Variants in MYO16 observed in about 807,000 individuals in gnomAD.
MYO16 encodes the protein unconventional myosin-XVI.
Under a neutral mutation model 205.3 loss-of-function variants are expected in MYO16, and 94 were observed. The observed-to-expected ratio is 0.46, with a 90% CI of 0.39 to 0.54. MYO16 has a LOEUF of 0.54. Among genes scored for constraint, MYO16 ranks in the 20% least tolerant of loss-of-function variants. The probability of loss-of-function intolerance (pLI) is 0.00; values close to 1 mark genes in which losing one functional copy is unlikely to be tolerated. For missense variants in MYO16, 2,315 were observed against 2,387.5 expected (o/e 0.97, Z 0.63); for synonymous variants, 988 against 954.0 (o/e 1.04, Z -0.66).
intron 16 of MYO16, among the ~76,000 whole-genome samples, chr13:108,914,636 G>T (rs1205806054): frequency 6.6e-6 from 1 of 152,116 alleles, no homozygotes; most frequent in Non-Finnish European, 1.5e-5. Context: ...CCAGAGAGAA[G>T]AAAACATTGC....
At chr13:109,062,104 A>C (rs1887612057) in intron 27 of MYO16, among the ~76,000 whole-genome samples, 1 of 152,190 alleles carries the variant, frequency 6.6e-6, no homozygotes. Flanking sequence ...GAGATATCAT[A>C]AAATTAGAAA....
At chr13:108,683,338 T>C (rs1012457712) in intron 2 of MYO16, among the ~76,000 whole-genome samples, 5 of 143,894 alleles carry the variant, frequency 3.5e-5, no homozygotes, top group African/African-American at 1.4e-4. Flanking sequence ...GAAGCTTCCC[T>C]TTCCTTCCTT....
chr13:108,912,563 T>C (rs1202010134), intron 16 of MYO16, among the ~76,000 whole-genome samples: 2 of 152,090 alleles, frequency 1.3e-5, no homozygotes, highest in South Asian at 4.1e-4. Flanking sequence ...AAGAAGCTTG[T>C]ACTCAAGTGA....
chr13:108,593,575 T>C (rs1443956196), upstream of MYO16, among the ~76,000 whole-genome samples: 2 of 152,192 alleles, frequency 1.3e-5, no homozygotes, highest in Non-Finnish European at 2.9e-5. Context: ...GACTATGGTT[T>C]ACATAGTGGT....
intron 24 of MYO16, among the ~76,000 whole-genome samples, chr13:109,050,244 C>A (rs1566481492): frequency 1.3e-5 from 2 of 151,836 alleles, no homozygotes; most frequent in Admixed American, 6.6e-5. Context: ...TGAGACAGTT[C>A]TTCAGCTTTT....
intron 1 of MYO16, among the ~76,000 whole-genome samples, chr13:108,643,246 G>A (rs1566524030): frequency 6.6e-6 from 1 of 152,156 alleles, no homozygotes; most frequent in Non-Finnish European, 1.5e-5. Flanking sequence ...TGTAAATGAA[G>A]TTGTACAATA....
intron 20 of MYO16, among the ~76,000 whole-genome samples, chr13:108,986,789 T>G (rs1281466818): frequency 6.6e-6 from 1 of 152,126 alleles, no homozygotes; most frequent in Non-Finnish European, 1.5e-5. Flanking sequence ...GACAGTGCCC[T>G]TTTTGGTTTC....
At chr13:108,579,308 T>G in the MYO16 span, among the ~76,000 whole-genome samples, 5 of 152,160 alleles carry the variant, frequency 3.3e-5, no homozygotes, top group Middle Eastern at 6.3e-3. Context: ...GAAAAGCTGT[T>G]AGAAATTTAG....
At chr13:108,723,849 C>A (rs7491076) in intron 3 of MYO16, among the ~76,000 whole-genome samples, 106,488 of 151,838 alleles carry the variant, frequency 0.7, 38,659 homozygotes, top group Non-Finnish European at 0.8. Context: ...TTTTCAATAT[C>A]TATAAAAAAA....
intron 27 of MYO16, among the ~76,000 whole-genome samples, chr13:109,087,086 C>G (rs1024125838): frequency 6.6e-6 from 1 of 152,218 alleles, no homozygotes; most frequent in African/African-American, 2.4e-5. Flanking sequence ...ATGCCAAACT[C>G]TAGCTCTTAA....
At chr13:109,072,988 G>C (rs1897271) in intron 27 of MYO16, among the ~76,000 whole-genome samples, 73,221 of 151,918 alleles carry the variant, frequency 0.48, 17,878 homozygotes, top group Middle Eastern at 0.55. Flanking sequence ...TGCCCTTGCA[G>C]TTCTTATAGA....
chr13:108,830,944 A>G (rs1408777872), intron 9 of MYO16, among the ~76,000 whole-genome samples: 1 of 152,212 alleles, frequency 6.6e-6, no homozygotes, highest in African/African-American at 2.4e-5. Context: ...CACATATGCC[A>G]TATCTTTACA....
In MYO16 at chr13:109,019,732, T is replaced by A. The variant is rs1443302942; in HGVS notation, c.2617T>A (p.Leu873Ile). 3 of 1,614,022 alleles carry A rather than the reference T, an allele frequency of 1.9e-6. No homozygotes were observed. The highest frequency in any genetic ancestry group is 2.5e-6 in the Non-Finnish European group (3 of 1,179,938). Residue 873 changes from leucine (L) to isoleucine (I), a missense_variant, in exon 23 of 35, where the codon TTA (leucine) becomes ATA (isoleucine). By Grantham distance (5) the Leu-to-Ile change is conservative. Transcript: ENST00000457511. ...TCAGAAGCCATCTGGATTTCTCACCTTATTGGATGAAGAAAGTCAAATGAT... is the reference window on the plus strand; with the variant it reads ...TCAGAAGCCATCTGGATTTCTCACCATATTGGATGAAGAAAGTCAAATGAT... Reference protein sequence around the residue: ...FFQKPSGFLTLLDEESQMIWS... With the variant: ...FFQKPSGFLTILDEESQMIWS...
chr13:109,106,369 C>T (rs756571062), intron 28 of MYO16, among the ~76,000 whole-genome samples: 3 of 152,152 alleles, frequency 2.0e-5, no homozygotes, highest in Non-Finnish European at 4.4e-5. Context: ...TGGAAAGGAT[C>T]CCTCTGGAAC....
chr13:108,579,456 T>TG, the MYO16 span, among the ~76,000 whole-genome samples: 1 of 151,414 alleles, frequency 6.6e-6, no homozygotes, highest in Non-Finnish European at 1.5e-5. Context: ...TTTTTTTTTT[T>TG]TTGAGATGGA....
chr13:108,785,865 A>G (rs1192952542), intron 5 of MYO16, 122 bp downstream of exon 5: 8 of 634,276 alleles, frequency 1.3e-5, no homozygotes, highest in Non-Finnish European at 2.2e-5. Context: ...GTGGTGTAGA[A>G]GATGGTATTT....
intron 27 of MYO16, among the ~76,000 whole-genome samples, chr13:109,059,349 G>C (rs1368058490): frequency 6.6e-6 from 1 of 152,194 alleles, no homozygotes; most frequent in African/African-American, 2.4e-5. Flanking sequence ...TCCATGGGCT[G>C]CTGAATGGAT....
chr13:108,712,105 C>T (rs1259876572), intron 2 of MYO16, among the ~76,000 whole-genome samples: 11 of 152,020 alleles, frequency 7.2e-5, no homozygotes, highest in Admixed American at 5.9e-4. Context: ...TGAATTTATT[C>T]GAGTAATTGG....
intron 21 of MYO16, among the ~76,000 whole-genome samples, chr13:109,008,209 T>C (rs1056762224): frequency 3.3e-5 from 5 of 152,224 alleles, no homozygotes; most frequent in Non-Finnish European, 7.3e-5. Context: ...TTTGGTAGAC[T>C]AATTGGTTGG....
Sources: gnomAD v4.1 joint callset for allele counts (sites outside exome capture counted in the v4.1 genomes callset) on GRCh38, gnomAD v4.1.1 for gene constraint, MANE v1.5 for transcripts, NCBI Gene and HGNC (gene_info 2026-07-23, HGNC 2026-07-21) for gene names.